Variants in NEDD4 observed in about 807,000 individuals in gnomAD.
The protein encoded by NEDD4 is NEDD4 E3 ubiquitin protein ligase, also known as E3 ubiquitin-protein ligase NEDD4.
Under a neutral mutation model 144.9 loss-of-function variants are expected in NEDD4, and 99 were observed. The ratio of observed to expected loss-of-function variants is 0.68; its 90% CI spans 0.58 to 0.81. The LOEUF (loss-of-function observed/expected upper bound fraction) is 0.81, where lower values mean the gene tolerates loss of function less well. Among genes scored for constraint, NEDD4 ranks in the 30% least tolerant of loss-of-function variants. The pLI is 0.00. For synonymous variants in NEDD4, 318 were observed against 350.6 expected, an observed-to-expected ratio of 0.91 and a Z score of 1.04; for missense variants, 985 against 1,065.9, an observed-to-expected ratio of 0.92 and a Z score of 1.06.
intron 7 of NEDD4, among the ~76,000 whole-genome samples, chr15:55,871,840 G>C (rs1278543231): frequency 6.6e-6 from 1 of 152,142 alleles, no homozygotes; most frequent in Non-Finnish European, 1.5e-5. Context: ...GTTTTCACTA[G>C]ATTTTACTTG....
intron 4 of NEDD4, among the ~76,000 whole-genome samples, chr15:55,942,604 C>T (rs372945728): frequency 6.6e-6 from 1 of 152,300 alleles, no homozygotes. Context: ...CCTGAGGCCC[C>T]CTCATCCAGG....
chr15:55,877,937 G>T (rs1595785689), intron 5 of NEDD4, among the ~76,000 whole-genome samples: 1 of 151,846 alleles, frequency 6.6e-6, no homozygotes. Flanking sequence ...ATTTTTTTGT[G>T]TACTTCCTTA....
intron 5 of NEDD4, among the ~76,000 whole-genome samples, chr15:55,918,801 A>G (rs956925758): frequency 6.6e-6 from 1 of 152,114 alleles, no homozygotes; most frequent in Non-Finnish European, 1.5e-5. Context: ...CTCCTTTATG[A>G]TTTTACAGAC....
chr15:55,843,511 A>G (rs11633313), intron 18 of NEDD4, among the ~76,000 whole-genome samples: 49,072 of 152,042 alleles, frequency 0.32, 8,065 homozygotes, highest in South Asian at 0.42. Flanking sequence ...TACAAAAGAT[A>G]TATCTAAATA....
chr15:55,841,053 C>A (rs2033480149), intron 19 of NEDD4, among the ~76,000 whole-genome samples: 1 of 152,126 alleles, frequency 6.6e-6, no homozygotes, highest in African/African-American at 2.4e-5. Context: ...CCTGTCTCAG[C>A]CTCCCAAGTA....
chr15:55,860,514 G>C lies in NEDD4; in HGVS notation c.853C>G (p.Pro285Ala). Residue 285 changes from proline to alanine, a missense_variant, in exon 11 of 29, where the codon CCT becomes GCT. By Grantham distance (27) the Pro-to-Ala change is conservative. Coordinates refer to ENST00000435532, the MANE Select transcript of NEDD4 (RefSeq NM_006154.4). ...TMYSNQAFPS[P>A]PPSSNLDVPT... The stretch of plus-strand genomic sequence containing the variant: ...ACATCCAAGTTACTTGACGGTGGAG[G>C]TGATGGGAAGGCCTGGTTGCTATAC... 6.2e-7 allele frequency: 1 copy of C among 1,614,126 alleles called. No homozygotes were observed. Among genetic ancestry groups the C allele is most frequent in the East Asian group, 2.2e-5 (1 of 44,880 alleles).
At chr15:55,834,361 A>G in intron 24 of NEDD4, 75 bp from the exon 25 acceptor site, 2 of 875,034 alleles carry the variant, frequency 2.3e-6, no homozygotes, top group South Asian at 1.5e-5. Flanking sequence ...TCTGGATGCT[A>G]CTGGAGGAAT....
At chr15:55,909,338 T>C (rs1366755652) in intron 5 of NEDD4, among the ~76,000 whole-genome samples, 3 of 152,220 alleles carry the variant, frequency 2.0e-5, no homozygotes, top group African/African-American at 7.2e-5. Flanking sequence ...TTTCAACAGT[T>C]GCTCCCATGT....
chr15:55,968,908 C>T (rs976442543), intron 1 of NEDD4, among the ~76,000 whole-genome samples: 8 of 152,054 alleles, frequency 5.3e-5, no homozygotes, highest in African/African-American at 1.9e-4. Context: ...AGTGAGAGTC[C>T]CCACCAAGGA....
At chr15:55,913,146 T>G (rs1371302172) in intron 5 of NEDD4, among the ~76,000 whole-genome samples, 1 of 152,112 alleles carries the variant, frequency 6.6e-6, no homozygotes, top group Non-Finnish European at 1.5e-5. Flanking sequence ...GTGATTTAAT[T>G]TCACGGCTGC....
intron 1 of NEDD4, among the ~76,000 whole-genome samples, chr15:55,970,838 G>A (rs2037594711): frequency 6.6e-6 from 1 of 152,196 alleles, no homozygotes; most frequent in Non-Finnish European, 1.5e-5. Flanking sequence ...AGCCCAGACT[G>A]TGAAGATTAG....
At chr15:55,879,219 A>G (rs768037809) in intron 5 of NEDD4, among the ~76,000 whole-genome samples, 1 of 152,224 alleles carries the variant, frequency 6.6e-6, no homozygotes, top group Non-Finnish European at 1.5e-5. Flanking sequence ...GGAGACTGGA[A>G]GAGTAGATGA....
At chr15:55,926,619 A>AGCTGGGC (rs138158780) in intron 4 of NEDD4, among the ~76,000 whole-genome samples, 20,500 of 152,040 alleles carry the variant, frequency 0.13, 1,479 homozygotes, top group East Asian at 0.32. Flanking sequence ...AACAAAAATT[A>AGCTGGGC]GCTGGGCATC....
intron 4 of NEDD4, among the ~76,000 whole-genome samples, chr15:55,948,790 T>A (rs1444767443): frequency 1.3e-5 from 2 of 152,178 alleles, no homozygotes; most frequent in African/African-American, 4.8e-5. Flanking sequence ...TTACACCTTA[T>A]ACAAAAATTA....
chr15:55,966,664 T>A, intron 1 of NEDD4, 118 bp from the exon 2 acceptor site: 2 of 443,932 alleles, frequency 4.5e-6, no homozygotes, highest in Non-Finnish European at 3.9e-6. Context: ...TTGAAGAATC[T>A]TTTTCAATAA....
At chr15:55,925,837 T>C (rs185707010) in intron 4 of NEDD4, among the ~76,000 whole-genome samples, 1 of 152,194 alleles carries the variant, frequency 6.6e-6, no homozygotes, top group East Asian at 1.9e-4. Flanking sequence ...TTTTGAAAAC[T>C]GAAGTACAAC....
intron 2 of NEDD4, among the ~76,000 whole-genome samples, chr15:55,962,744 T>C (rs1032542994): frequency 1.3e-5 from 2 of 151,908 alleles, no homozygotes; most frequent in African/African-American, 4.8e-5. Flanking sequence ...GCACCCAGCC[T>C]CTTTTACTTT....
chr15:55,912,668 C>G (rs1322884927), intron 5 of NEDD4, among the ~76,000 whole-genome samples: 1 of 152,060 alleles, frequency 6.6e-6, no homozygotes, highest in African/African-American at 2.4e-5. Context: ...ATTTAGAAAT[C>G]TGAATAGCAA....
chr15:55,842,303 A>T, intron 18 of NEDD4, 140 bp from the exon 19 acceptor site: 1 of 674,126 alleles, frequency 1.5e-6, no homozygotes, highest in Non-Finnish European at 2.5e-6. Flanking sequence ...GGGAAAACAC[A>T]ACTAGGTATA....
Sources: gnomAD v4.1 joint callset for allele counts (sites outside exome capture counted in the v4.1 genomes callset) on GRCh38, gnomAD v4.1.1 for gene constraint, MANE v1.5 for transcripts, NCBI Gene and HGNC (gene_info 2026-07-23, HGNC 2026-07-21) for gene names.